The following SIPA1L1 variants were observed in gnomAD, a reference collection of about 807,000 sequenced individuals.
The protein encoded by SIPA1L1 is signal-induced proliferation-associated 1-like protein 1.
In SIPA1L1, 26 loss-of-function variants were observed where a neutral mutation model predicts 162.7. The ratio of observed to expected loss-of-function variants is 0.16; its 90% CI spans 0.12 to 0.22. The LOEUF is 0.22. Among genes scored for constraint, SIPA1L1 ranks in the 10% least tolerant of loss-of-function variants. SIPA1L1 has a pLI of 1.00. For synonymous variants in SIPA1L1, 829 were observed against 837.4 expected (o/e 0.99, Z 0.17); for missense variants, 1,874 against 2,241.0 (o/e 0.84, Z 3.31).
chr14:71,689,075 G>A (rs1396833300), intron 13 of SIPA1L1, among the ~76,000 whole-genome samples: 3 of 152,220 alleles, frequency 2.0e-5, no homozygotes, highest in South Asian at 2.1e-4. Context: ...TAATTTGTAT[G>A]TAGTATCCCA....
At chr14:71,630,876 T>C (rs532683974) in intron 7 of SIPA1L1, among the ~76,000 whole-genome samples, 2 of 151,272 alleles carry the variant, frequency 1.3e-5, no homozygotes, top group African/African-American at 4.8e-5. Context: ...ATATTATATA[T>C]ATACATATAT....
chr14:71,700,994 C>CAAAAAAA lies in SIPA1L1; in HGVS notation c.3522-1353_3522-1347dup, dbSNP rs539293669. On this transcript the variant is annotated intron_variant, in intron 14 of 23. Transcript: ENST00000381232. ...TAGGGGACAGAGCAAGACTCCGTCT[C>CAAAAAAA]AAAAAAAAAAAAAAAAAAAAAAAAA... is the stretch of plus-strand genomic sequence containing the variant. Among the ~76,000 whole-genome samples the CAAAAAAA allele has an allele frequency of 1.2e-3, 60 of 51,754 alleles. 6 individuals carry two copies. Among genetic ancestry groups the CAAAAAAA allele is most frequent in the Admixed American group, 1.7e-3 (5 of 2,958 alleles). The allele number at this position is 51,754 out of a possible 152,430, so 34.0% of individuals were successfully genotyped here.
chr14:71,555,281 A>G (rs1025150220), intron 4 of SIPA1L1, among the ~76,000 whole-genome samples: 11 of 152,222 alleles, frequency 7.2e-5, no homozygotes, highest in Non-Finnish European at 1.0e-4. Context: ...TCTTCTGGAT[A>G]ACTTGCTGGT....
chr14:71,542,050 T>C (rs2054432677), intron 4 of SIPA1L1, among the ~76,000 whole-genome samples: 1 of 152,090 alleles, frequency 6.6e-6, no homozygotes, highest in Admixed American at 6.5e-5. Context: ...GAGAATGAAC[T>C]TACTTCCCAG....
At chr14:71,601,073 A>G (rs144330438) in intron 5 of SIPA1L1, among the ~76,000 whole-genome samples, 1 of 152,118 alleles carries the variant, frequency 6.6e-6, no homozygotes, top group Non-Finnish European at 1.5e-5. Context: ...ATCTTTTCCG[A>G]TTTAGATGCC....
At chr14:71,490,424 T>C (rs766006331) in intron 2 of SIPA1L1, among the ~76,000 whole-genome samples, 12 of 152,194 alleles carry the variant, frequency 7.9e-5, no homozygotes, top group Non-Finnish European at 1.6e-4. Flanking sequence ...TTGGTACTTT[T>C]CAGCAACACA....
intron 4 of SIPA1L1, among the ~76,000 whole-genome samples, chr14:71,563,002 A>G (rs979952165): frequency 6.6e-6 from 1 of 152,026 alleles, no homozygotes; most frequent in Non-Finnish European, 1.5e-5. Flanking sequence ...GTTGTTATTT[A>G]TTTGTTGTCT....
Position 71,626,931 on chromosome 14 carries a change from A to G in SIPA1L1, c.1818+2695A>G, listed in dbSNP as rs116679641. 6.3e-3 allele frequency among the ~76,000 whole-genome samples: 964 copies of G among 152,136 alleles called. 7 individuals carry two copies. Among genetic ancestry groups the G allele is most frequent in the African/African-American group, 0.022 (906 of 41,540 alleles). ...AGCTAAAGTGAACAGAAAAATTAAAATTTTATCTATTAAATATAAAAGAAA... is the reference window on the plus strand; with the variant it reads ...AGCTAAAGTGAACAGAAAAATTAAAGTTTTATCTATTAAATATAAAAGAAA... On this transcript the variant is annotated intron_variant, in intron 7 of 23. Coordinates refer to ENST00000381232, the MANE Select transcript of SIPA1L1 (RefSeq NM_001386936.1).
At chr14:71,574,574 A>G (rs1227306256) in intron 4 of SIPA1L1, 1 of 152,368 alleles carries the variant, frequency 6.6e-6, no homozygotes, top group South Asian at 2.1e-4. Context: ...CCTTATAAAC[A>G]GTCTTGAATA....
At chr14:71,529,173 TA>T in intron 3 of SIPA1L1, 138 bp from the exon 4 acceptor site, 1 of 405,902 alleles carries the variant, frequency 2.5e-6, no homozygotes, top group Non-Finnish European at 4.4e-6. Flanking sequence ...ATGTCTAATT[TA>T]AAAGCAACTA....
chr14:71,627,915 A>T (rs2040193670), intron 7 of SIPA1L1, among the ~76,000 whole-genome samples: 1 of 152,154 alleles, frequency 6.6e-6, no homozygotes, highest in African/African-American at 2.4e-5. Flanking sequence ...TTTCTTTTTT[A>T]AAAATCTGTC....
chr14:71,356,130 A>G (rs912877906), intron 2 of SIPA1L1, among the ~76,000 whole-genome samples: 6 of 152,136 alleles, frequency 3.9e-5, no homozygotes, highest in Non-Finnish European at 7.4e-5. Context: ...CTTTCCCTAC[A>G]TAACACCGTT....
chr14:71,631,733 A>G (rs2148742323), intron 7 of SIPA1L1, among the ~76,000 whole-genome samples: 1 of 152,282 alleles, frequency 6.6e-6, no homozygotes, highest in East Asian at 1.9e-4. Flanking sequence ...CAACTTTACT[A>G]TTTAGTATCC....
At chr14:71,471,231 G>A (rs2047432219) in intron 2 of SIPA1L1, among the ~76,000 whole-genome samples, 1 of 152,206 alleles carries the variant, frequency 6.6e-6, no homozygotes, top group Admixed American at 6.5e-5. Flanking sequence ...AGGACTTTGG[G>A]AGGCTGAGGC....
At chr14:71,331,577 A>G (rs935764401) in intron 2 of SIPA1L1, among the ~76,000 whole-genome samples, 6 of 152,200 alleles carry the variant, frequency 3.9e-5, no homozygotes, top group Admixed American at 2.6e-4. Context: ...CAAAAAGGCA[A>G]TGAATCTTGA....
chr14:71,589,096 T>A lies in SIPA1L1; in HGVS notation c.1224T>A (p.Asn408Lys), dbSNP rs2034941708. The change falls in exon 5 of 24, where the codon AAT (asparagine) becomes AAA (lysine). Residue 408 changes from asparagine to lysine, a missense_variant. Asn to Lys is a moderately conservative substitution (Grantham distance 94). This residue lies in a region of SIPA1L1 where 685 missense variants were observed against 828.0 expected (regional missense o/e 0.83). Coordinates refer to ENST00000381232, the MANE Select transcript of SIPA1L1 (RefSeq NM_001386936.1). ...LSMDQGDDKS[N>K]ELVMSCPYFR... ...TGGACCAGGGAGATGATAAAAGCAA[T>A]GAGCTTGTAATGAGCTGTCCATATT... 2 of 1,613,978 alleles carry A rather than the reference T, an allele frequency of 1.2e-6. No homozygotes were observed. Among genetic ancestry groups the A allele is most frequent in the South Asian group, 1.1e-5 (1 of 91,092 alleles).
intron 2 of SIPA1L1, among the ~76,000 whole-genome samples, chr14:71,373,667 A>G (rs1241365388): frequency 3.3e-5 from 5 of 152,070 alleles, no homozygotes; most frequent in East Asian, 1.9e-4. Context: ...CAAAAAAAAA[A>G]AAAAAAAGTT....
At chr14:71,576,487 G>C (rs1294582303) in intron 4 of SIPA1L1, 1 of 152,234 alleles carries the variant, frequency 6.6e-6, no homozygotes, top group East Asian at 1.9e-4. Flanking sequence ...AGGGGAATGA[G>C]GAAATCTGGA....
At position 71,672,492 on chromosome 14, in the gene SIPA1L1, A is replaced by G. The variant is rs200468213; in HGVS notation, c.2974A>G (p.Ser992Gly). Residue 992 changes from serine to glycine, a missense_variant, in exon 12 of 24, where the codon AGT (serine) becomes GGT (glycine). Around this residue, in one of 5 missense-constraint regions of SIPA1L1, gnomAD observed 936 missense variants for 1,051.9 expected, o/e 0.89. Coordinates refer to ENST00000381232, the MANE Select transcript of SIPA1L1 (RefSeq NM_001386936.1). Reference sequence around the variant, plus strand: ...CTGGCAGGCAGGGCTGAGGCAGGGCAGTCGCCTGGTGGAGATCTGCAAGGT... The same window carrying G: ...CTGGCAGGCAGGGCTGAGGCAGGGCGGTCGCCTGGTGGAGATCTGCAAGGT... ...YAWQAGLRQG[S>G]RLVEICKVAV... The G allele has an allele frequency of 6.8e-6, 11 of 1,614,218 alleles. No homozygotes were observed. In the African/African-American group the frequency reaches 1.3e-4, roughly 20 times the overall value.
Sources: allele counts gnomAD v4.1 joint callset (sites outside exome capture counted in the v4.1 genomes callset), GRCh38; gene constraint gnomAD v4.1.1; regional missense constraint gnomAD v4.1.1; transcripts MANE v1.5; gene names NCBI Gene and HGNC (gene_info 2026-07-23, HGNC 2026-07-21).